Variants in RAB8B observed in about 807,000 individuals in gnomAD.
RAB8B encodes ras-related protein Rab-8B.
A neutral mutation model predicts 32.0 loss-of-function variants in RAB8B; 11 were observed. The ratio of observed to expected loss-of-function variants is 0.34; its 90% CI spans 0.22 to 0.57. The LOEUF (loss-of-function observed/expected upper bound fraction) is 0.57, where lower values mean the gene tolerates loss of function less well. Among genes scored for constraint, RAB8B ranks in the 20% least tolerant of loss-of-function variants. The probability of loss-of-function intolerance (pLI) is 0.86; values close to 1 mark genes in which losing one functional copy is unlikely to be tolerated. For missense variants in RAB8B, 190 were observed against 258.5 expected, an observed-to-expected ratio of 0.73 and a Z score of 1.82; for synonymous variants, 103 against 89.6, an observed-to-expected ratio of 1.15 and a Z score of -0.85.
At chr15:63,261,836 CT>C (rs1365562052) in intron 6 of RAB8B, among the ~76,000 whole-genome samples, 1 of 152,166 alleles carries the variant, frequency 6.6e-6, no homozygotes, top group African/African-American at 2.4e-5. Flanking sequence ...AATGAAGAAT[CT>C]TTAACAGTTC....
chr15:63,211,650 A>G (rs2037747520), intron 1 of RAB8B, among the ~76,000 whole-genome samples: 1 of 152,138 alleles, frequency 6.6e-6, no homozygotes, highest in African/African-American at 2.4e-5. Flanking sequence ...AAATCCAGTC[A>G]TAGTTTTGGT....
chr15:63,198,301 C>G (rs1351519417), intron 1 of RAB8B, among the ~76,000 whole-genome samples: 1 of 152,090 alleles, frequency 6.6e-6, no homozygotes, highest in African/African-American at 2.4e-5. Flanking sequence ...TAACTAGGCA[C>G]TTTGGTATTT....
rs1238763856 is a variant in RAB8B at position 63,229,716 on chromosome 15, G to T, written c.125-15040G>T. 1.2e-4 allele frequency among the ~76,000 whole-genome samples: 17 copies of T among 143,476 alleles called. No individual in the cohort carries two copies. In the Admixed American group the frequency reaches 1.2e-3, roughly 10 times the overall value. The allele number at this position is 143,476 out of a possible 152,430, so 94.1% of individuals were successfully genotyped here. Reference sequence around the variant, plus strand: ...GAATCTCTTGAACCCTGGGGGCAGAGGTTGCAGTGAGCCGAGATTGCACCA... The same window carrying T: ...GAATCTCTTGAACCCTGGGGGCAGATGTTGCAGTGAGCCGAGATTGCACCA... On this transcript the variant is annotated intron_variant, in intron 1 of 7. Coordinates refer to ENST00000321437, the MANE Select transcript of RAB8B (RefSeq NM_016530.3).
intron 1 of RAB8B, among the ~76,000 whole-genome samples, chr15:63,243,255 A>G (rs865997357): frequency 6.6e-6 from 1 of 152,230 alleles, no homozygotes; most frequent in African/African-American, 2.4e-5. Flanking sequence ...CCTGCCACTG[A>G]ATTCCTGCTG....
In RAB8B at chr15:63,251,361, A is replaced by G. The variant is rs2038115357; in HGVS notation, c.246+1656A>G. 6.6e-6 allele frequency: 3 copies of G among 454,720 alleles called. 1 individual carries two copies. The highest frequency in any genetic ancestry group is 4.7e-5 in the South Asian group (3 of 64,270). 28.2% of individuals were successfully genotyped at this position (454,720 alleles called of 1,614,324 possible). On this transcript the variant is annotated intron_variant, in intron 3 of 7. Coordinates refer to ENST00000321437, the MANE Select transcript of RAB8B (RefSeq NM_016530.3). ...TTTACAGGTAATTCTGATTAGAGGC[A>G]TCTTAGACACACATGCCTTTCTGTT...
chr15:63,250,749 G>C (rs1315432899), intron 3 of RAB8B, among the ~76,000 whole-genome samples: 1 of 150,902 alleles, frequency 6.6e-6, no homozygotes, highest in African/African-American at 2.4e-5. Context: ...CCAAGCACAA[G>C]TTGGAGTCTT....
intron 5 of RAB8B, among the ~76,000 whole-genome samples, chr15:63,257,353 G>A (rs374172334): frequency 6.6e-6 from 1 of 151,164 alleles, no homozygotes; most frequent in Non-Finnish European, 1.5e-5. Context: ...TCTGCCTCCT[G>A]GCTTCAAGCA....
At position 63,223,696 on chromosome 15, in the gene RAB8B, A is replaced by G. The variant is rs144589275; in HGVS notation, c.125-21060A>G. Among the ~76,000 whole-genome samples the G allele has an allele frequency of 5.6e-3, 849 of 152,258 alleles. 7 individuals carry two copies. The highest frequency in any genetic ancestry group is 0.018 in the African/African-American group (759 of 41,566). On this transcript the variant is annotated intron_variant, in intron 1 of 7. Transcript: ENST00000321437. ...ACTATACTTGAAGACACACGACTGT[A>G]CTTGTACTGGTTGTTAAGTGACACG...
intron 1 of RAB8B, among the ~76,000 whole-genome samples, chr15:63,206,796 AAGAG>A (rs774711813): frequency 2.3e-4 from 35 of 152,106 alleles, no homozygotes; most frequent in Non-Finnish European, 4.0e-4. Context: ...AATTTCTTGA[AAGAG>A]AGAAGTCTTG....
intron 1 of RAB8B, among the ~76,000 whole-genome samples, chr15:63,199,830 C>A (rs1302180030): frequency 6.6e-6 from 1 of 152,160 alleles, no homozygotes; most frequent in Non-Finnish European, 1.5e-5. Flanking sequence ...ATCTGCCCGC[C>A]TCAACCTCCC....
intron 2 of RAB8B, among the ~76,000 whole-genome samples, chr15:63,246,376 A>G (rs1007053913): frequency 2.0e-5 from 3 of 152,188 alleles, no homozygotes; most frequent in South Asian, 4.1e-4. Context: ...CCAACTGGCT[A>G]TAAATTGGGG....
At chr15:63,233,118 G>A (rs939765541) in intron 1 of RAB8B, among the ~76,000 whole-genome samples, 6 of 147,284 alleles carry the variant, frequency 4.1e-5, no homozygotes, top group African/African-American at 1.3e-4. Flanking sequence ...GAGTGGTGGC[G>A]CAATGATCAT....
intron 1 of RAB8B, among the ~76,000 whole-genome samples, chr15:63,229,096 G>A (rs1407797848): frequency 1.3e-5 from 2 of 152,054 alleles, no homozygotes; most frequent in Non-Finnish European, 2.9e-5. Flanking sequence ...TATAACCTTG[G>A]TAACAATCAA....
intron 1 of RAB8B, among the ~76,000 whole-genome samples, chr15:63,215,856 G>A (rs1240366480): frequency 6.6e-6 from 1 of 151,896 alleles, no homozygotes; most frequent in Admixed American, 6.6e-5. Flanking sequence ...GGGCAACATG[G>A]CGAGACCCCA....
chr15:63,256,728 G>A, intron 5 of RAB8B, 134 bp downstream of exon 5: 8 of 654,968 alleles, frequency 1.2e-5, no homozygotes, highest in Non-Finnish European at 1.8e-5. Context: ...ACAACAAAGA[G>A]ATGTAATCCA....
At chr15:63,244,898 G>A (rs1436703631) in intron 2 of RAB8B, 82 bp downstream of exon 2, 4 of 1,208,166 alleles carry the variant, frequency 3.3e-6, no homozygotes, top group Non-Finnish European at 4.7e-6. Context: ...TAAGTTAGAG[G>A]CATCTTGTGA....
chr15:63,219,448 CTTTTT>C (rs568968975), intron 1 of RAB8B, among the ~76,000 whole-genome samples: 2 of 143,612 alleles, frequency 1.4e-5, no homozygotes, highest in Admixed American at 6.9e-5. Context: ...TCCAGACCAA[CTTTTT>C]TTTTTTTTTT....
intron 1 of RAB8B, among the ~76,000 whole-genome samples, chr15:63,238,692 T>A (rs2038005286): frequency 1.3e-5 from 2 of 152,166 alleles, no homozygotes; most frequent in Non-Finnish European, 2.9e-5. Flanking sequence ...GATATTATGA[T>A]TTTTCTCAAT....
intron 1 of RAB8B, among the ~76,000 whole-genome samples, chr15:63,203,618 A>T (rs931642130): frequency 2.2e-4 from 33 of 152,248 alleles, no homozygotes; most frequent in Non-Finnish European, 5.9e-5. Context: ...AAGAGCTAAC[A>T]TTTATTGAGT....
Sources: gnomAD v4.1 joint callset for allele counts (sites outside exome capture counted in the v4.1 genomes callset) on GRCh38, gnomAD v4.1.1 for gene constraint, MANE v1.5 for transcripts, NCBI Gene and HGNC (gene_info 2026-07-23, HGNC 2026-07-21) for gene names.